TMC1: variants seen among roughly 807,000 people sequenced by gnomAD.
The protein encoded by TMC1 is transmembrane channel-like protein 1.
A neutral mutation model predicts 105.8 loss-of-function variants in TMC1; 84 were observed. That is an observed-to-expected ratio of 0.79 (90% CI 0.67 to 0.95). The LOEUF is 0.95. Ranked by LOEUF, TMC1 falls within the 40% of genes least tolerant of loss-of-function variation. TMC1 has a pLI of 0.00. For synonymous variants in TMC1, 315 were observed against 311.5 expected, an observed-to-expected ratio of 1.01 and a Z score of -0.12; for missense variants, 817 against 914.1, an observed-to-expected ratio of 0.89 and a Z score of 1.37.
intron 17 of TMC1, among the ~76,000 whole-genome samples, chr9:72,796,323 C>T (rs1381478272): frequency 1.3e-5 from 2 of 152,096 alleles, no homozygotes; most frequent in Admixed American, 6.6e-5. Flanking sequence ...CCTACTGAAG[C>T]TATTTCACGA....
At chr9:72,688,574 C>A in intron 5 of TMC1, 135 bp from the exon 6 acceptor site, 1 of 764,902 alleles carries the variant, frequency 1.3e-6, no homozygotes. Context: ...AAATCGTGCT[C>A]ATTTTGGCAA....
intron 12 of TMC1, among the ~76,000 whole-genome samples, chr9:72,761,562 G>A (rs1292566115): frequency 6.6e-6 from 1 of 152,144 alleles, no homozygotes; most frequent in African/African-American, 2.4e-5. Context: ...CACCTATTAT[G>A]TGTTAAGTAG....
At chr9:72,808,696 G>A (rs769699520) in intron 18 of TMC1, among the ~76,000 whole-genome samples, 5 of 152,168 alleles carry the variant, frequency 3.3e-5, no homozygotes, top group Middle Eastern at 3.2e-3. Flanking sequence ...TGCCTCCTTC[G>A]AAGCATGTGC....
intron 18 of TMC1, among the ~76,000 whole-genome samples, chr9:72,806,261 C>G (rs1828580059): frequency 6.8e-6 from 1 of 147,786 alleles, no homozygotes; most frequent in African/African-American, 2.5e-5. Context: ...GGCGGCTGGC[C>G]GGGCAGAGGG....
Position 72,835,897 on chromosome 9 carries a change from TTCTC to T in TMC1, c.2261-43_2261-40del, listed in dbSNP as rs113386228. 433 of 1,530,484 alleles carry T rather than the reference TTCTC, an allele frequency of 2.8e-4. 3 individuals carry two copies. The African/African-American group carries it at 4.2e-3, about 15-fold the overall frequency. 94.8% of individuals were successfully genotyped at this position (1,530,484 alleles called of 1,614,324 possible). A position where few individuals can be genotyped will look rare whatever the true frequency, so the allele number is the denominator to read the frequency against. On this transcript the variant is annotated intron_variant, in intron 23 of 23. Transcript: ENST00000297784. ...CGTTTTTATTTGCCTCCTGTTCATC[TTCTC>T]TCTCTCTCTCCTTGTTTTTTTTTTT...
intron 8 of TMC1, among the ~76,000 whole-genome samples, chr9:72,704,032 G>A (rs1276406167): frequency 6.6e-6 from 1 of 152,150 alleles, no homozygotes; most frequent in Non-Finnish European, 1.5e-5. Context: ...AGAACAAGTG[G>A]TCAGTACTTC....
chr9:72,686,412 C>G lies in TMC1; in HGVS notation c.17-2297C>G, dbSNP rs76554875. 7.2e-5 allele frequency among the ~76,000 whole-genome samples: 11 copies of G among 152,310 alleles called. No homozygotes were observed. In the South Asian group the frequency reaches 1.2e-3, roughly 17 times the overall value. ...CCCATTCAAGTATTCTGAGCTATCTCTTCACACAGGTTTTTGTCTTGGAGG... is the reference window on the plus strand; with the variant it reads ...CCCATTCAAGTATTCTGAGCTATCTGTTCACACAGGTTTTTGTCTTGGAGG... On this transcript the variant is annotated intron_variant, in intron 5 of 23. Coordinates refer to ENST00000297784, the MANE Select transcript of TMC1 (RefSeq NM_138691.3).
chr9:72,791,813 C>T (rs997836926), intron 15 of TMC1, 73 bp from the exon 16 acceptor site: 5 of 1,338,304 alleles, frequency 3.7e-6, no homozygotes, highest in Admixed American at 1.7e-5. Context: ...TCAGAATCTT[C>T]CAAAATTCTG....
At chr9:72,662,352 ATTTTTTT>A (rs11378166) in intron 5 of TMC1, among the ~76,000 whole-genome samples, 1 of 138,684 alleles carries the variant, frequency 7.2e-6, no homozygotes, top group Admixed American at 7.2e-5. Flanking sequence ...ACACTCAGCA[ATTTTTTT>A]TTTTTTTTTG....
intron 4 of TMC1, among the ~76,000 whole-genome samples, chr9:72,632,256 A>G (rs1272150801): frequency 6.6e-6 from 1 of 152,178 alleles, no homozygotes; most frequent in Non-Finnish European, 1.5e-5. Context: ...ATGTGAACTC[A>G]GAGTAAGAAC....
chr9:72,771,619 G>C (rs1827927723), intron 12 of TMC1, among the ~76,000 whole-genome samples: 1 of 152,180 alleles, frequency 6.6e-6, no homozygotes, highest in Non-Finnish European at 1.5e-5. Flanking sequence ...AAGTAAGAGG[G>C]GAGCTGGGGA....
intron 18 of TMC1, among the ~76,000 whole-genome samples, chr9:72,806,955 G>T (rs1828607616): frequency 6.6e-6 from 1 of 152,198 alleles, no homozygotes; most frequent in Non-Finnish European, 1.5e-5. Context: ...TCACGCCACT[G>T]CACTCCAGCC....
At chr9:72,565,291 A>T (rs1297392874) in intron 1 of TMC1, among the ~76,000 whole-genome samples, 1 of 152,202 alleles carries the variant, frequency 6.6e-6, no homozygotes, top group African/African-American at 2.4e-5. Flanking sequence ...TAAAAATTTA[A>T]TCAAGCCTTA....
intron 17 of TMC1, among the ~76,000 whole-genome samples, chr9:72,801,814 T>C (rs1284042454): frequency 6.6e-6 from 1 of 152,238 alleles, no homozygotes; most frequent in African/African-American, 2.4e-5. Flanking sequence ...ATTCTCTTTC[T>C]TTTAAAATAT....
At chr9:72,643,293 A>AT (rs1306773022) in intron 4 of TMC1, among the ~76,000 whole-genome samples, 2 of 152,158 alleles carry the variant, frequency 1.3e-5, no homozygotes, top group East Asian at 3.8e-4. Flanking sequence ...CAATAGCTCT[A>AT]TTGAGATAAA....
intron 21 of TMC1, 30 bp downstream of exon 21, chr9:72,827,024 C>T (rs769670366): frequency 1.9e-6 from 3 of 1,613,370 alleles, no homozygotes; most frequent in Admixed American, 3.3e-5. Context: ...ATAGAAAGAG[C>T]CTCTGTGATG....
intron 3 of TMC1, among the ~76,000 whole-genome samples, chr9:72,622,130 C>G (rs1473335434): frequency 6.6e-6 from 1 of 152,050 alleles, no homozygotes; most frequent in African/African-American, 2.4e-5. Context: ...GGAATAGAGG[C>G]TCCAGGTGCA....
At chr9:72,691,953 G>A (rs1278949846) in intron 6 of TMC1, among the ~76,000 whole-genome samples, 2 of 152,070 alleles carry the variant, frequency 1.3e-5, no homozygotes, top group East Asian at 3.9e-4. Context: ...AGAATATGCT[G>A]GGTCCTATTA....
intron 5 of TMC1, among the ~76,000 whole-genome samples, chr9:72,671,477 C>T (rs1218013384): frequency 6.6e-6 from 1 of 152,086 alleles, no homozygotes; most frequent in African/African-American, 2.4e-5. Flanking sequence ...CTGAAACCAA[C>T]CACTTTATAA....
Sources: allele counts gnomAD v4.1 joint callset (sites outside exome capture counted in the v4.1 genomes callset), GRCh38; gene constraint gnomAD v4.1.1; transcripts MANE v1.5; gene names NCBI Gene and HGNC (gene_info 2026-07-23, HGNC 2026-07-21).